SCG5: variants seen among roughly 807,000 people sequenced by gnomAD.
SCG5 encodes secretogranin V.
In SCG5, 18 loss-of-function variants were observed where a neutral mutation model predicts 25.7. That is an observed-to-expected ratio of 0.70 (90% CI 0.48 to 1.04). SCG5 has a LOEUF of 1.04. Ranked by LOEUF, SCG5 falls within the 50% of genes least tolerant of loss-of-function variation. The pLI is 0.00. For missense variants in SCG5, 206 were observed against 259.8 expected (o/e 0.79, Z 1.42); for synonymous variants, 101 against 91.7 (o/e 1.10, Z -0.58).
chr15:32,666,550 C>T (rs2054321033), intron 2 of SCG5: 1 of 152,184 alleles, frequency 6.6e-6, no homozygotes, highest in Non-Finnish European at 1.5e-5. Context: ...AGTTAATCTT[C>T]TCAATGAAGT....
chr15:32,678,894 T>C (rs956991350), intron 2 of SCG5, among the ~76,000 whole-genome samples: 25 of 152,208 alleles, frequency 1.6e-4, no homozygotes. Context: ...CAATATTAAA[T>C]AGAAATGAAT....
At chr15:32,682,933 C>T (rs756239070) in intron 3 of SCG5, among the ~76,000 whole-genome samples, 11 of 152,136 alleles carry the variant, frequency 7.2e-5, no homozygotes, top group African/African-American at 2.7e-4. Flanking sequence ...GAGACACCTT[C>T]GGTTCCCAGA....
intron 2 of SCG5, among the ~76,000 whole-genome samples, chr15:32,652,668 C>T (rs940895455): frequency 4.6e-5 from 7 of 152,126 alleles, no homozygotes; most frequent in South Asian, 2.1e-4. Context: ...TGTTTGCAAG[C>T]ACTGTACTAA....
chr15:32,684,347 C>A, intron 3 of SCG5: 1 of 506,138 alleles, frequency 2.0e-6, no homozygotes. Context: ...GTTTGGTGAA[C>A]AGCCAGTGAG....
intron 2 of SCG5, among the ~76,000 whole-genome samples, chr15:32,645,388 C>A (rs1375774219): frequency 3.9e-5 from 6 of 152,170 alleles, no homozygotes; most frequent in Non-Finnish European, 8.8e-5. Context: ...CTATTTAGTA[C>A]CCACTATATA....
At chr15:32,664,057 G>C (rs1360204871) in intron 2 of SCG5, among the ~76,000 whole-genome samples, 1 of 152,314 alleles carries the variant, frequency 6.6e-6, no homozygotes. Flanking sequence ...GTGTTCCACT[G>C]ACTAGTCTCA....
rs753384664 is a variant in SCG5 at position 32,643,747 on chromosome 15, G to A, written c.155G>A (p.Gly52Asp). 1.2e-6 allele frequency: 2 copies of A among 1,613,806 alleles called. No homozygotes were observed. The highest frequency in any genetic ancestry group is 2.7e-5 in the African/African-American group (2 of 74,888). The change falls in exon 2 of 6, where the codon GGC (glycine) becomes GAC (aspartate). Residue 52 changes from glycine (G) to aspartate (D), a missense_variant. By Grantham distance (94) the Gly-to-Asp change is moderately conservative. Coordinates refer to ENST00000300175, the MANE Select transcript of SCG5 (RefSeq NM_001144757.3). ...RLLHGVMEQL[G>D]IARPRVEYPA... The stretch of plus-strand genomic sequence containing the variant: ...CTTCATGGTGTTATGGAGCAATTGG[G>A]CATTGCCAGGCCCCGAGTGGAATAT...
At chr15:32,647,250 A>AATC (rs780376286) in intron 2 of SCG5, among the ~76,000 whole-genome samples, 7 of 152,170 alleles carry the variant, frequency 4.6e-5, no homozygotes, top group Admixed American at 3.9e-4. Flanking sequence ...TTTCTAAACA[A>AATC]ATCATCATCA....
intron 2 of SCG5, among the ~76,000 whole-genome samples, chr15:32,678,010 A>C (rs1440846811): frequency 6.6e-6 from 1 of 152,222 alleles, no homozygotes; most frequent in Non-Finnish European, 1.5e-5. Flanking sequence ...AAAGGACAGA[A>C]TTATTTAGCA....
intron 3 of SCG5, 38 bp from the exon 4 acceptor site, chr15:32,684,519 G>A (rs578107452): frequency 1.6e-6 from 2 of 1,258,964 alleles, no homozygotes; most frequent in Admixed American, 1.8e-5. Flanking sequence ...AATGATGAAT[G>A]TCTTGGCCGT....
At chr15:32,674,077 A>G (rs943494455) in intron 2 of SCG5, among the ~76,000 whole-genome samples, 2 of 152,198 alleles carry the variant, frequency 1.3e-5, no homozygotes, top group Non-Finnish European at 2.9e-5. Context: ...CACTGTTACA[A>G]CACTGTATAG....
intron 1 of SCG5, among the ~76,000 whole-genome samples, chr15:32,641,981 C>T (rs1045643094): frequency 2.6e-5 from 4 of 152,000 alleles, no homozygotes; most frequent in African/African-American, 9.7e-5. Context: ...CAAATCAGAG[C>T]GGCGTTTGCT....
intron 2 of SCG5, among the ~76,000 whole-genome samples, chr15:32,678,321 G>A (rs1452428862): frequency 1.3e-5 from 2 of 152,130 alleles, no homozygotes; most frequent in African/African-American, 4.8e-5. Flanking sequence ...CAAAGGCCTT[G>A]CATCTTTATT....
intron 4 of SCG5, 144 bp from the exon 5 acceptor site, chr15:32,691,566 C>T (rs543361743): frequency 2.4e-5 from 17 of 695,064 alleles, no homozygotes; most frequent in African/African-American, 1.8e-4. Context: ...CTTTCTGACA[C>T]GACATTCCTT....
rs760233647 is a variant in SCG5, at chr15:32,643,739, G to A, written c.147G>A (p.Glu49=). The A allele has an allele frequency of 1.9e-6, 3 of 1,613,862 alleles. No individual in the cohort carries two copies. The highest frequency in any genetic ancestry group is 2.5e-6 in the Non-Finnish European group (3 of 1,179,902). The part of the protein sequence containing the change: ...DIQRLLHGVM[E]QLGIARPRVE... ...AGAGGCTGCTTCATGGTGTTATGGA[G>A]CAATTGGGCATTGCCAGGCCCCGAG... is the stretch of plus-strand genomic sequence containing the variant. Residue 49 remains glutamate, a synonymous_variant, in exon 2 of 6, where the codon GAG becomes GAA. Coordinates refer to ENST00000300175, the MANE Select transcript of SCG5 (RefSeq NM_001144757.3).
chr15:32,696,521 A>G lies in SCG5; in HGVS notation c.551A>G (p.Asn184Ser), dbSNP rs779022608. 6.2e-6 allele frequency: 10 copies of G among 1,610,362 alleles called. No homozygotes were observed. The Admixed American group carries it at 1.0e-4, about 16-fold the overall frequency. Residue 184 changes from asparagine to serine, a missense_variant, in exon 6 of 6, where the codon AAT becomes AGT. Asn to Ser is a conservative substitution (Grantham distance 46, BLOSUM62 1). Transcript: ENST00000300175. ...GGERRKRRSV[N>S]PYLQGQRLDN... Reference sequence around the variant, plus strand: ...TGTTTGTTTGTTTTTCAGAGTGTCAATCCATATCTACAAGGACAGAGACTG... The same window carrying G: ...TGTTTGTTTGTTTTTCAGAGTGTCAGTCCATATCTACAAGGACAGAGACTG...
chr15:32,678,973 TAAA>T (rs1236180396), intron 2 of SCG5, among the ~76,000 whole-genome samples: 2 of 152,242 alleles, frequency 1.3e-5, no homozygotes, highest in African/African-American at 4.8e-5. Context: ...GTGGTTGAGC[TAAA>T]ATAGCAGGAT....
intron 2 of SCG5, among the ~76,000 whole-genome samples, chr15:32,660,182 T>C (rs1361745089): frequency 6.6e-6 from 1 of 152,214 alleles, no homozygotes; most frequent in African/African-American, 2.4e-5. Flanking sequence ...GACCTCTGGC[T>C]TTTTTTACAG....
At chr15:32,664,335 T>C (rs1482027833) in intron 2 of SCG5, among the ~76,000 whole-genome samples, 3 of 152,178 alleles carry the variant, frequency 2.0e-5, no homozygotes, top group Admixed American at 1.3e-4. Flanking sequence ...TTGCTCTCTT[T>C]TGGGATCTGA....
Sources: allele counts gnomAD v4.1 joint callset (sites outside exome capture counted in the v4.1 genomes callset), GRCh38; gene constraint gnomAD v4.1.1; transcripts MANE v1.5; gene names NCBI Gene and HGNC (gene_info 2026-07-23, HGNC 2026-07-21).